NLGN1: variants seen among roughly 807,000 people sequenced by gnomAD.
The protein encoded by NLGN1 is neuroligin-1.
In NLGN1, 12 loss-of-function variants were observed where a neutral mutation model predicts 65.5. That is an observed-to-expected ratio of 0.18 (90% CI 0.12 to 0.30). The LOEUF is 0.30. Ranked by LOEUF, NLGN1 falls within the 10% of genes least tolerant of loss-of-function variation. The pLI, the probability that NLGN1 is intolerant of heterozygous loss-of-function variation, is 1.00. For missense variants in NLGN1, 750 were observed against 1,007.1 expected, an observed-to-expected ratio of 0.74 and a Z score of 3.46; for synonymous variants, 350 against 359.5, an observed-to-expected ratio of 0.97 and a Z score of 0.30.
At chr3:173,470,138 G>GT (rs1443853578) in intron 2 of NLGN1, among the ~76,000 whole-genome samples, 3 of 152,032 alleles carry the variant, frequency 2.0e-5, no homozygotes, top group Non-Finnish European at 2.9e-5. Flanking sequence ...AGAGATGATT[G>GT]TATCTCTAAT....
At chr3:173,900,949 T>C (rs1737243142) in intron 4 of NLGN1, among the ~76,000 whole-genome samples, 1 of 151,984 alleles carries the variant, frequency 6.6e-6, no homozygotes, top group Non-Finnish European at 1.5e-5. Flanking sequence ...ATAACTAATA[T>C]AGCCATGTTT....
intron 4 of NLGN1, among the ~76,000 whole-genome samples, chr3:174,266,711 A>G (rs1748316301): frequency 6.6e-6 from 1 of 152,194 alleles, no homozygotes; most frequent in Admixed American, 6.5e-5. Context: ...CAACCTTGCC[A>G]GCATGTTATT....
At chr3:174,083,551 C>T (rs1000911358) in intron 4 of NLGN1, among the ~76,000 whole-genome samples, 12 of 152,034 alleles carry the variant, frequency 7.9e-5, no homozygotes, top group Non-Finnish European at 1.5e-5. Flanking sequence ...ATAATAACAT[C>T]TCATATATTG....
intron 4 of NLGN1, among the ~76,000 whole-genome samples, chr3:173,832,553 T>C (rs1009070490): frequency 5.9e-5 from 9 of 152,224 alleles, no homozygotes; most frequent in Non-Finnish European, 8.8e-5. Flanking sequence ...AAAAGGTATG[T>C]ATGAAATACT....
intron 4 of NLGN1, among the ~76,000 whole-genome samples, chr3:173,963,121 A>C (rs1031164388): frequency 1.3e-5 from 2 of 152,104 alleles, no homozygotes; most frequent in African/African-American, 4.8e-5. Flanking sequence ...GCATTATCTC[A>C]TCTGACTTAT....
At chr3:173,672,002 G>A (rs532731163) in intron 3 of NLGN1, among the ~76,000 whole-genome samples, 6 of 151,918 alleles carry the variant, frequency 3.9e-5, no homozygotes, top group East Asian at 1.9e-4. Flanking sequence ...GTGAAACCCC[G>A]TCTCTACTAA....
At chr3:173,804,990 C>T (rs1277617732) in intron 3 of NLGN1, among the ~76,000 whole-genome samples, 2 of 152,142 alleles carry the variant, frequency 1.3e-5, no homozygotes, top group Admixed American at 6.5e-5. Flanking sequence ...CACGCCACTG[C>T]ACTCCAGCCT....
intron 4 of NLGN1, among the ~76,000 whole-genome samples, chr3:173,826,993 A>G (rs1018730521): frequency 2.0e-5 from 3 of 152,046 alleles, no homozygotes; most frequent in Non-Finnish European, 4.4e-5. Context: ...AAAATAAAAC[A>G]TTGTGATCTC....
intron 2 of NLGN1, among the ~76,000 whole-genome samples, chr3:173,602,627 G>A (rs527933794): frequency 3.3e-5 from 5 of 152,096 alleles, no homozygotes; most frequent in East Asian, 3.9e-4. Flanking sequence ...TCAGTTGTGC[G>A]AAGAAAAACT....
At chr3:174,056,434 A>G (rs1736093724) in intron 4 of NLGN1, among the ~76,000 whole-genome samples, 1 of 151,886 alleles carries the variant, frequency 6.6e-6, no homozygotes, top group Admixed American at 6.6e-5. Context: ...TAAAATGATT[A>G]TTCTCATGTC....
At chr3:174,007,219 C>T (rs1274105587) in intron 4 of NLGN1, among the ~76,000 whole-genome samples, 2 of 152,096 alleles carry the variant, frequency 1.3e-5, no homozygotes, top group African/African-American at 2.4e-5. Flanking sequence ...CCTGTCAACA[C>T]CTTGATCTAG....
intron 2 of NLGN1, among the ~76,000 whole-genome samples, chr3:173,581,944 T>A (rs1746473642): frequency 6.6e-6 from 1 of 151,992 alleles, no homozygotes; most frequent in Non-Finnish European, 1.5e-5. Flanking sequence ...CCTTTCCAAT[T>A]TCATTTACTT....
chr3:173,438,188 T>G (rs1322654914), intron 2 of NLGN1, among the ~76,000 whole-genome samples: 4 of 106,396 alleles, frequency 3.8e-5, no homozygotes, highest in Non-Finnish European at 7.3e-5. Context: ...TTAATGGTGG[T>G]TTTTTCCCCC....
chr3:173,552,327 TTAAC>T (rs1187750238), intron 2 of NLGN1, among the ~76,000 whole-genome samples: 5 of 152,214 alleles, frequency 3.3e-5, no homozygotes, highest in East Asian at 1.9e-4. Context: ...TTATTGACCT[TTAAC>T]TATGCAGAAA....
At chr3:173,974,675 T>A (rs192096747) in intron 4 of NLGN1, among the ~76,000 whole-genome samples, 1 of 152,078 alleles carries the variant, frequency 6.6e-6, no homozygotes, top group Non-Finnish European at 1.5e-5. Context: ...AGCTTTAAGA[T>A]TCCTTCCTGA....
At chr3:174,199,037 G>A (rs1221323589) in intron 4 of NLGN1, among the ~76,000 whole-genome samples, 1 of 152,016 alleles carries the variant, frequency 6.6e-6, no homozygotes, top group East Asian at 1.9e-4. Flanking sequence ...AGTAGAGACA[G>A]TGTTTCCCTA....
chr3:173,817,628 G>A (rs1249960071), intron 4 of NLGN1, among the ~76,000 whole-genome samples: 1 of 152,160 alleles, frequency 6.6e-6, no homozygotes, highest in African/African-American at 2.4e-5. Context: ...GAGTTCTTCT[G>A]AATGCCTGCT....
intron 3 of NLGN1, among the ~76,000 whole-genome samples, chr3:173,762,385 A>G (rs1359816046): frequency 6.6e-6 from 1 of 152,092 alleles, no homozygotes; most frequent in African/African-American, 2.4e-5. Context: ...ATGCAAACAC[A>G]TATCTGTACC....
chr3:174,122,917 A>G (rs1303208247), intron 4 of NLGN1, among the ~76,000 whole-genome samples: 1 of 151,744 alleles, frequency 6.6e-6, no homozygotes, highest in Non-Finnish European at 1.5e-5. Flanking sequence ...AAAATGTAAT[A>G]ATAAATAAAT....
Sources: allele counts gnomAD v4.1 joint callset (sites outside exome capture counted in the v4.1 genomes callset), GRCh38; gene constraint gnomAD v4.1.1; transcripts MANE v1.5; gene names NCBI Gene and HGNC (gene_info 2026-07-23, HGNC 2026-07-21).